Variants in NHS observed in about 807,000 individuals in gnomAD.
The protein encoded by NHS is actin remodeling regulator NHS.
A neutral mutation model predicts 72.5 loss-of-function variants in NHS; 5 were observed. That is an observed-to-expected ratio of 0.07 (90% confidence interval 0.04 to 0.14). The LOEUF (loss-of-function observed/expected upper bound fraction) is 0.14. Among genes scored for constraint, NHS ranks in the 10% least tolerant of loss-of-function variants. The pLI, the probability that NHS is intolerant of heterozygous loss-of-function variation, is 1.00. For synonymous variants in NHS, 464 were observed against 547.7 expected, an observed-to-expected ratio of 0.85 and a Z score of 2.13; for missense variants, 1,072 against 1,355.7, an observed-to-expected ratio of 0.79 and a Z score of 3.29.
At chrX:17,454,277 G>A (rs1753248018) in intron 1 of NHS, among the ~76,000 whole-genome samples, 2 of 111,674 alleles carry the variant, frequency 1.8e-5, no homozygotes, top group African/African-American at 3.3e-5. Context: ...GGGTAGATGG[G>A]ATGAAGGAAT....
intron 1 of NHS, among the ~76,000 whole-genome samples, chrX:17,684,723 G>A (rs745832386): frequency 6.3e-5 from 7 of 111,639 alleles, no homozygotes; most frequent in South Asian, 3.8e-4. Flanking sequence ...AACCCTTTTC[G>A]ACTTGTAATG....
intron 1 of NHS, among the ~76,000 whole-genome samples, chrX:17,598,395 T>A (rs1476234324): frequency 8.9e-6 from 1 of 112,564 alleles, no homozygotes; most frequent in Non-Finnish European, 1.9e-5. Flanking sequence ...TTTCCTTAAC[T>A]CTTCTTTAGT....
intron 1 of NHS, among the ~76,000 whole-genome samples, chrX:17,544,812 C>T (rs750266767): frequency 1.4e-4 from 16 of 112,863 alleles, no homozygotes; most frequent in Non-Finnish European, 2.4e-4. Flanking sequence ...CACACCCAGA[C>T]AACACTTTAT....
intron 1 of NHS, among the ~76,000 whole-genome samples, chrX:17,593,563 A>T (rs1181430067): frequency 9.0e-6 from 1 of 110,719 alleles, no homozygotes; most frequent in East Asian, 2.9e-4. Context: ...ATCTCAAGGG[A>T]TACCTAGTTG....
At chrX:17,526,494 C>T (rs2065174147) in intron 1 of NHS, among the ~76,000 whole-genome samples, 1 of 112,177 alleles carries the variant, frequency 8.9e-6, no homozygotes, top group Admixed American at 9.4e-5. Context: ...GACAGTGCCA[C>T]TTCTGAATTG....
chrX:17,456,559 G>C (rs776243124), intron 1 of NHS, among the ~76,000 whole-genome samples: 1 of 112,437 alleles, frequency 8.9e-6, no homozygotes, highest in Non-Finnish European at 1.9e-5. Context: ...ATTGAAACTG[G>C]TAATGCCATT....
At chrX:17,615,841 A>G (rs2065743858) in intron 1 of NHS, among the ~76,000 whole-genome samples, 1 of 92,141 alleles carries the variant, frequency 1.1e-5, no homozygotes, top group South Asian at 5.7e-4. Flanking sequence ...GTGTTACTGC[A>G]TGGAAAGCCC....
intron 1 of NHS, among the ~76,000 whole-genome samples, chrX:17,476,190 C>T (rs974770606): frequency 9.0e-6 from 1 of 111,506 alleles, no homozygotes; most frequent in African/African-American, 3.3e-5. Flanking sequence ...TATCAGAAGC[C>T]TAAAGAAGAA....
chrX:17,676,734 T>C (rs2066084202), intron 1 of NHS, among the ~76,000 whole-genome samples: 1 of 112,356 alleles, frequency 8.9e-6, no homozygotes, highest in Non-Finnish European at 1.9e-5. Context: ...GTGGAAGCCT[T>C]GAAAACTGGC....
intron 1 of NHS, among the ~76,000 whole-genome samples, chrX:17,433,195 ACTTTT>A (rs2064702624): frequency 1.3e-5 from 1 of 77,532 alleles, no homozygotes; most frequent in African/African-American, 5.4e-5. Flanking sequence ...ACGCCCGGCT[ACTTTT>A]TTTTTTTTTT....
chrX:17,429,257 T>TGTGTGTGTGTGTGTGC (rs1460333806), intron 1 of NHS, among the ~76,000 whole-genome samples: 3 of 106,563 alleles, frequency 2.8e-5, no homozygotes, highest in African/African-American at 1.0e-4. Flanking sequence ...TGTGTGTGTG[T>TGTGTGTGTGTGTGTGC]GCACACGTGC....
intron 1 of NHS, among the ~76,000 whole-genome samples, chrX:17,391,988 A>G (rs753817517): frequency 1.4e-4 from 16 of 111,231 alleles, no homozygotes; most frequent in East Asian, 2.8e-4. Context: ...GTGTTCACCA[A>G]CTCCTTCCCT....
chrX:17,604,434 G>T (rs1291767243), intron 1 of NHS, among the ~76,000 whole-genome samples: 1 of 112,485 alleles, frequency 8.9e-6, no homozygotes, highest in Non-Finnish European at 1.9e-5. Context: ...ATGCAGCTCT[G>T]TTACCACATT....
At chrX:17,526,247 C>T (rs1453829959) in intron 1 of NHS, among the ~76,000 whole-genome samples, 1 of 112,505 alleles carries the variant, frequency 8.9e-6, no homozygotes, top group Non-Finnish European at 1.9e-5. Context: ...GTGGTTGTTC[C>T]AGTCTGGGCT....
chrX:17,439,833 G>A (rs1381789685), intron 1 of NHS, among the ~76,000 whole-genome samples: 4 of 112,381 alleles, frequency 3.6e-5, no homozygotes, highest in African/African-American at 1.3e-4. Flanking sequence ...GTTGCAAATA[G>A]TATTTTAGAA....
intron 1 of NHS, among the ~76,000 whole-genome samples, chrX:17,546,852 G>A (rs1356978669): frequency 1.8e-5 from 2 of 112,387 alleles, no homozygotes; most frequent in African/African-American, 3.2e-5. Context: ...CATTTAACAC[G>A]TCCTTGGCAT....
Position 17,732,710 on chromosome X carries a change from A to G in NHS, c.*246A>G, listed in dbSNP as rs1192529628. On this transcript the variant is annotated 3_prime_UTR_variant, in exon 9 of 9. Coordinates refer to ENST00000676302, the MANE Select transcript of NHS (RefSeq NM_001291867.2). ...TTCTTTAGCATAGTTTGATTTACGC[A>G]ATCTCCTTCCTTGTGAAAATAGAGG... The G allele has an allele frequency of 5.0e-6, 2 of 399,242 alleles. No individual in the cohort carries two copies. The highest frequency in any genetic ancestry group is 2.5e-5 in the African/African-American group (1 of 39,980). The allele number at this position is 399,242 out of a possible 1,213,427, so 32.9% of individuals were successfully genotyped here. A position where few individuals can be genotyped will look rare whatever the true frequency, so the allele number is the denominator to read the frequency against.
intron 1 of NHS, among the ~76,000 whole-genome samples, chrX:17,461,678 TA>T (rs1477025366): frequency 4.4e-5 from 5 of 112,905 alleles, no homozygotes; most frequent in Non-Finnish European, 9.4e-5. Context: ...CTTAATGGCA[TA>T]AAACAACAAC....
At chrX:17,378,460 GA>G (rs2064357842) in intron 1 of NHS, among the ~76,000 whole-genome samples, 1 of 111,845 alleles carries the variant, frequency 8.9e-6, no homozygotes, top group Admixed American at 9.5e-5. Flanking sequence ...TTAAATTTGG[GA>G]TGGCATTGTT....
Sources: gnomAD v4.1 joint callset for allele counts (sites outside exome capture counted in the v4.1 genomes callset) on GRCh38, gnomAD v4.1.1 for gene constraint, MANE v1.5 for transcripts, NCBI Gene and HGNC (gene_info 2026-07-23, HGNC 2026-07-21) for gene names.